Variants in MAP3K5 observed in about 807,000 individuals in gnomAD.
MAP3K5 encodes the protein ASK-1.
A neutral mutation model predicts 158.7 loss-of-function variants in MAP3K5; 56 were observed. That is an observed-to-expected ratio of 0.35 (90% CI 0.28 to 0.44). The LOEUF (loss-of-function observed/expected upper bound fraction) is 0.44, where lower values mean the gene tolerates loss of function less well. MAP3K5 is among the 20% of genes least tolerant of loss of function. The pLI is 1.00. For missense variants in MAP3K5, 1,294 were observed against 1,674.8 expected, an observed-to-expected ratio of 0.77 and a Z score of 3.97; for synonymous variants, 579 against 601.7, an observed-to-expected ratio of 0.96 and a Z score of 0.55.
intron 25 of MAP3K5, among the ~76,000 whole-genome samples, chr6:136,572,487 C>T (rs1053184859): frequency 6.6e-5 from 10 of 152,138 alleles, no homozygotes. Context: ...AAACTCCTGA[C>T]CTCAGGTGAT....
intron 2 of MAP3K5, among the ~76,000 whole-genome samples, chr6:136,709,085 G>A (rs1009890142): frequency 6.6e-6 from 1 of 152,014 alleles, no homozygotes; most frequent in African/African-American, 2.4e-5. Flanking sequence ...ACATCTCCTC[G>A]AAAGCACTTC....
chr6:136,567,598 A>G, intron 26 of MAP3K5, 33 bp downstream of exon 26: 2 of 1,572,298 alleles, frequency 1.3e-6, no homozygotes, highest in African/African-American at 2.7e-5. Flanking sequence ...AAGTAAAAGA[A>G]AAGAAACCAA....
chr6:136,675,400 G>A (rs951353852), intron 7 of MAP3K5, among the ~76,000 whole-genome samples: 1 of 152,038 alleles, frequency 6.6e-6, no homozygotes, highest in South Asian at 2.1e-4. Flanking sequence ...GGGCCGTAAA[G>A]TACTTCTCAA....
intron 7 of MAP3K5, among the ~76,000 whole-genome samples, chr6:136,672,561 C>T (rs1238576172): frequency 3.3e-5 from 5 of 152,140 alleles, no homozygotes; most frequent in African/African-American, 2.4e-5. Context: ...ACAGGACATT[C>T]GTTGAATGCT....
At position 136,653,164 on chromosome 6, in the gene MAP3K5, G is replaced by C. The variant is rs150267526; in HGVS notation, c.1681-2073C>G. On this transcript the variant is annotated intron_variant, in intron 10 of 29. Coordinates refer to ENST00000359015, the MANE Select transcript of MAP3K5 (RefSeq NM_005923.4). ...CTTTCCCGACGTTAGATAATGAGTTGATGGTCTCCAAACTTTTCAATGTAA... is the reference window on the plus strand; with the variant it reads ...CTTTCCCGACGTTAGATAATGAGTTCATGGTCTCCAAACTTTTCAATGTAA... Among the ~76,000 whole-genome samples, 262 of 152,242 alleles carry C rather than the reference G, an allele frequency of 1.7e-3. 3 individuals are homozygous for C. Among genetic ancestry groups the C allele is most frequent in the African/African-American group, 4.8e-3 (201 of 41,546 alleles).
At chr6:136,720,821 C>A (rs1781717493) in intron 1 of MAP3K5, among the ~76,000 whole-genome samples, 1 of 152,110 alleles carries the variant, frequency 6.6e-6, no homozygotes, top group Non-Finnish European at 1.5e-5. Flanking sequence ...GCTCTGTCAC[C>A]CAGACTGGAG....
Position 136,622,909 on chromosome 6 carries a change from C to A in MAP3K5, c.2089G>T (p.Gly697Cys). ...CTGACTTGGTTGCTCAAGTCCCGAC[C>A]TGCGTAGACTATCCCATAAGTGCCT... ...GKGTYGIVYA[G>C]RDLSNQVRIA... Residue 697 changes from glycine (G) to cysteine (C), a missense_variant, in exon 15 of 30, where the codon GGT becomes TGT. Gly to Cys is a radical substitution (Grantham distance 159). This residue lies in a region of MAP3K5 where 690 missense variants were observed against 870.5 expected (regional missense o/e 0.79). Transcript: ENST00000359015. 1 of 1,604,394 alleles carries A rather than the reference C, an allele frequency of 6.2e-7. No homozygotes were observed. Among genetic ancestry groups the A allele is most frequent in the Non-Finnish European group, 8.5e-7 (1 of 1,174,364 alleles).
At chr6:136,574,875 G>T (rs1242761190) in intron 25 of MAP3K5, among the ~76,000 whole-genome samples, 1 of 151,888 alleles carries the variant, frequency 6.6e-6, no homozygotes, top group Non-Finnish European at 1.5e-5. Flanking sequence ...ATCTTTAGTA[G>T]AGATGGGGTT....
At chr6:136,666,843 G>T (rs2114509457) in intron 8 of MAP3K5, among the ~76,000 whole-genome samples, 1 of 152,174 alleles carries the variant, frequency 6.6e-6, no homozygotes, top group Admixed American at 6.5e-5. Context: ...TCTCATGATA[G>T]CTAAAAATTC....
chr6:136,702,846 C>T (rs912887534), intron 3 of MAP3K5, among the ~76,000 whole-genome samples: 13 of 152,202 alleles, frequency 8.5e-5, no homozygotes, highest in Non-Finnish European at 1.5e-5. Flanking sequence ...CAGGCATGCG[C>T]CACCACACTT....
intron 21 of MAP3K5, 49 bp downstream of exon 21, chr6:136,600,973 C>T: frequency 1.2e-6 from 2 of 1,602,930 alleles, no homozygotes; most frequent in Non-Finnish European, 8.5e-7. Flanking sequence ...GAGTTTATCA[C>T]ACCAGACACC....
At chr6:136,785,631 T>C (rs933346941) in intron 1 of MAP3K5, among the ~76,000 whole-genome samples, 1 of 152,192 alleles carries the variant, frequency 6.6e-6, no homozygotes, top group African/African-American at 2.4e-5. Flanking sequence ...AAAGTGTTGC[T>C]GGATCTCCTG....
At chr6:136,658,436 T>G (rs1052783259) in intron 9 of MAP3K5, among the ~76,000 whole-genome samples, 1 of 149,278 alleles carries the variant, frequency 6.7e-6, no homozygotes, top group Non-Finnish European at 1.5e-5. Context: ...TGCCTCAGCC[T>G]CCCAAGTAGC....
chr6:136,615,524 T>C (rs1013382285), intron 15 of MAP3K5, among the ~76,000 whole-genome samples: 2 of 152,198 alleles, frequency 1.3e-5, no homozygotes, highest in African/African-American at 4.8e-5. Context: ...GGTCAGATCT[T>C]ACAAGTAAAC....
chr6:136,698,756 C>G, intron 3 of MAP3K5, 74 bp from the exon 4 acceptor site: 1 of 1,000,596 alleles, frequency 1.0e-6, no homozygotes, highest in Non-Finnish European at 1.5e-6. Context: ...CCACGTCTTA[C>G]TCATTTTAAA....
chr6:136,643,771 C>T (rs999627891), intron 11 of MAP3K5, among the ~76,000 whole-genome samples: 1 of 152,096 alleles, frequency 6.6e-6, no homozygotes, highest in African/African-American at 2.4e-5. Context: ...AGGGAAGATA[C>T]CATAAAAAGG....
rs183763551 is a variant in MAP3K5, at chr6:136,597,229, G to A, written c.2878+3793C>T. 3.8e-3 allele frequency among the ~76,000 whole-genome samples: 573 copies of A among 152,356 alleles called. 2 individuals carry two copies. The highest frequency in any genetic ancestry group is 4.1e-3 in the Non-Finnish European group (279 of 68,034). ...AGATAGCTTTACCAAGAGGCCAGGA[G>A]TAGGCTGGAGTCAGGAGGGGTGACT... On this transcript the variant is annotated intron_variant, in intron 21 of 29. Coordinates refer to ENST00000359015, the MANE Select transcript of MAP3K5 (RefSeq NM_005923.4).
chr6:136,662,913 A>G (rs1779067419), intron 8 of MAP3K5, among the ~76,000 whole-genome samples: 1 of 152,238 alleles, frequency 6.6e-6, no homozygotes, highest in Admixed American at 6.5e-5. Context: ...ATATTTATGC[A>G]ATTTAAATGC....
intron 25 of MAP3K5, among the ~76,000 whole-genome samples, chr6:136,577,943 G>T (rs1454921253): frequency 3.3e-5 from 5 of 150,952 alleles, no homozygotes; most frequent in Admixed American, 6.6e-5. Context: ...AAGGAAGTTT[G>T]TTTTTTTTTA....
Sources: gnomAD v4.1 joint callset for allele counts (sites outside exome capture counted in the v4.1 genomes callset) on GRCh38, gnomAD v4.1.1 for gene constraint, gnomAD v4.1.1 regional missense constraint, MANE v1.5 for transcripts, NCBI Gene and HGNC (gene_info 2026-07-23, HGNC 2026-07-21) for gene names.